RBFOX1: variants seen among roughly 807,000 people sequenced by gnomAD.
RBFOX1 encodes the protein RNA binding protein fox-1 homolog 1.
RBFOX1 carries 8 observed loss-of-function variants against 57.7 expected under a neutral mutation model. That is an observed-to-expected ratio of 0.14 (90% CI 0.08 to 0.25). The LOEUF (loss-of-function observed/expected upper bound fraction) is 0.25. Ranked by LOEUF, RBFOX1 falls within the 10% of genes least tolerant of loss-of-function variation. The pLI is 1.00. For synonymous variants in RBFOX1, 326 were observed against 222.4 expected, an observed-to-expected ratio of 1.47 and a Z score of -4.15; for missense variants, 611 against 548.5, an observed-to-expected ratio of 1.11 and a Z score of -1.14.
intron 3 of RBFOX1, among the ~76,000 whole-genome samples, chr16:5,608,244 C>G (rs1217041496): frequency 6.6e-6 from 1 of 152,184 alleles, no homozygotes; most frequent in Non-Finnish European, 1.5e-5. Flanking sequence ...CGGAGGGGCA[C>G]TTTGAGTCTC....
chr16:5,541,466 C>G (rs895159836), intron 2 of RBFOX1, among the ~76,000 whole-genome samples: 2 of 152,002 alleles, frequency 1.3e-5, no homozygotes, highest in Non-Finnish European at 2.9e-5. Context: ...TACATTGATT[C>G]CTTCTGGAAA....
At chr16:5,284,840 C>G (rs1167590168) in intron 1 of RBFOX1, among the ~76,000 whole-genome samples, 5 of 146,934 alleles carry the variant, frequency 3.4e-5, no homozygotes, top group Non-Finnish European at 7.4e-5. Flanking sequence ...CCCCTGTTAG[C>G]CTGATGGAGA....
At chr16:7,619,072 C>A (rs1210933905) in intron 10 of RBFOX1, among the ~76,000 whole-genome samples, 1 of 152,102 alleles carries the variant, frequency 6.6e-6, no homozygotes, top group African/African-American at 2.4e-5. Context: ...ATAATGCCAA[C>A]GGCTGTTATT....
intron 1 of RBFOX1, among the ~76,000 whole-genome samples, chr16:5,427,853 C>T (rs1157963425): frequency 6.6e-6 from 1 of 152,170 alleles, no homozygotes; most frequent in Non-Finnish European, 1.5e-5. Context: ...AAACTACCCT[C>T]CCAGAAACAT....
intron 9 of RBFOX1, among the ~76,000 whole-genome samples, chr16:7,603,093 G>A (rs1015878987): frequency 1.3e-5 from 2 of 152,158 alleles, no homozygotes; most frequent in African/African-American, 4.8e-5. Context: ...ATCAAAAAGT[G>A]TATAGTAATA....
At chr16:7,392,042 T>C (rs2098037308) in intron 4 of RBFOX1, among the ~76,000 whole-genome samples, 1 of 152,250 alleles carries the variant, frequency 6.6e-6, no homozygotes, top group Non-Finnish European at 1.5e-5. Flanking sequence ...CATGCTTTGC[T>C]CATTTGCCAC....
At chr16:5,734,123 TCTC>T (rs2052487235) in intron 3 of RBFOX1, among the ~76,000 whole-genome samples, 1 of 152,194 alleles carries the variant, frequency 6.6e-6, no homozygotes, top group South Asian at 2.1e-4. Context: ...TTCATGTTCT[TCTC>T]CTTACCTGTT....
At chr16:6,471,945 C>G (rs1211711636) in intron 2 of RBFOX1, among the ~76,000 whole-genome samples, 2 of 152,158 alleles carry the variant, frequency 1.3e-5, no homozygotes, top group African/African-American at 2.4e-5. Context: ...AACAACTTCC[C>G]CCGTCTCTGT....
rs118150614 is a variant in RBFOX1, at chr16:7,347,103, G to A, written c.28-171044G>A. 3.1e-3 allele frequency among the ~76,000 whole-genome samples: 475 copies of A among 152,274 alleles called. 1 individual carries two copies. Among genetic ancestry groups the A allele is most frequent in the Non-Finnish European group, 5.4e-3 (367 of 68,032 alleles). On this transcript the variant is annotated intron_variant, in intron 4 of 15. Coordinates refer to ENST00000550418, the MANE Select transcript of RBFOX1 (RefSeq NM_018723.4). ...TTGCAGGCAAGTGGTTCTCAATCAG[G>A]GGTGATTTTTGGCTTGTAAGGACAT...
chr16:6,970,101 C>CT (rs1381258754), intron 3 of RBFOX1, among the ~76,000 whole-genome samples: 1 of 151,916 alleles, frequency 6.6e-6, no homozygotes, highest in Non-Finnish European at 1.5e-5. Context: ...TGATTTGAGC[C>CT]TAGGGGTTCA....
At chr16:5,755,120 A>G (rs576057826) in intron 3 of RBFOX1, among the ~76,000 whole-genome samples, 21 of 96,020 alleles carry the variant, frequency 2.2e-4, no homozygotes, top group South Asian at 8.8e-4. Flanking sequence ...CTTAAGGAGC[A>G]TGCTGCCTTC....
At chr16:7,023,989 C>T (rs887861340) in intron 3 of RBFOX1, among the ~76,000 whole-genome samples, 1 of 152,054 alleles carries the variant, frequency 6.6e-6, no homozygotes, top group Non-Finnish European at 1.5e-5. Flanking sequence ...GATAAGACAG[C>T]CACTTAGGTT....
chr16:5,692,785 C>T (rs746779822), intron 3 of RBFOX1, among the ~76,000 whole-genome samples: 3 of 151,966 alleles, frequency 2.0e-5, no homozygotes, highest in Non-Finnish European at 2.9e-5. Context: ...AACAAGAAAA[C>T]GCACAGAGTC....
intron 2 of RBFOX1, among the ~76,000 whole-genome samples, chr16:6,508,850 A>C (rs1214139991): frequency 6.8e-6 from 1 of 148,014 alleles, no homozygotes; most frequent in African/African-American, 2.5e-5. Flanking sequence ...TTACTTTTGC[A>C]CCAACCTACG....
chr16:7,376,472 C>G (rs908906415), intron 4 of RBFOX1, among the ~76,000 whole-genome samples: 4 of 152,138 alleles, frequency 2.6e-5, no homozygotes, highest in Non-Finnish European at 4.4e-5. Flanking sequence ...GTCAAACATG[C>G]TGGGAGAAAG....
intron 2 of RBFOX1, among the ~76,000 whole-genome samples, chr16:6,572,631 C>T (rs1217437080): frequency 6.6e-6 from 1 of 151,828 alleles, no homozygotes; most frequent in Non-Finnish European, 1.5e-5. Context: ...CTCACTCTGT[C>T]ACCCAGGCTG....
chr16:6,133,349 G>A (rs890296994), intron 1 of RBFOX1, among the ~76,000 whole-genome samples: 1 of 152,156 alleles, frequency 6.6e-6, no homozygotes, highest in Non-Finnish European at 1.5e-5. Context: ...CAGAGCCTGC[G>A]TTCTTCATTT....
chr16:7,213,799 A>T (rs780670796), intron 4 of RBFOX1, among the ~76,000 whole-genome samples: 1 of 152,188 alleles, frequency 6.6e-6, no homozygotes, highest in Non-Finnish European at 1.5e-5. Context: ...CTTAATGTCA[A>T]AGCCAGTTAT....
chr16:7,155,255 A>C (rs968598220), intron 4 of RBFOX1, among the ~76,000 whole-genome samples: 3 of 152,040 alleles, frequency 2.0e-5, no homozygotes, highest in African/African-American at 7.2e-5. Context: ...TCATATCATC[A>C]CCTTTAGAGT....
Sources: gnomAD v4.1 joint callset for allele counts (sites outside exome capture counted in the v4.1 genomes callset) on GRCh38, gnomAD v4.1.1 for gene constraint, MANE v1.5 for transcripts, NCBI Gene and HGNC (gene_info 2026-07-23, HGNC 2026-07-21) for gene names.